Variants in ACOXL observed in about 807,000 individuals in gnomAD.
The protein encoded by ACOXL is acyl-coenzyme A oxidase-like protein.
Under a neutral mutation model 71.9 loss-of-function variants are expected in ACOXL, and 70 were observed. That is an observed-to-expected ratio of 0.97 (90% CI 0.80 to 1.19). ACOXL has a LOEUF of 1.19. Among genes scored for constraint, ACOXL ranks in the 50% most tolerant of loss-of-function variants. The pLI is 0.00. For missense variants in ACOXL, 703 were observed against 736.3 expected (o/e 0.95, Z 0.52); for synonymous variants, 253 against 281.6 (o/e 0.90, Z 1.02).
intron 14 of ACOXL, among the ~76,000 whole-genome samples, chr2:111,014,188 T>C (rs1228054993): frequency 3.3e-5 from 5 of 152,172 alleles, no homozygotes; most frequent in Non-Finnish European, 5.9e-5. Flanking sequence ...ATGTCCAGTT[T>C]ACTACTTTTA....
intron 12 of ACOXL, among the ~76,000 whole-genome samples, chr2:110,950,069 A>G (rs2061268290): frequency 6.6e-6 from 1 of 151,576 alleles, no homozygotes; most frequent in South Asian, 2.1e-4. Flanking sequence ...TTATTATTAT[A>G]CTTTAAGTTT....
At chr2:111,078,212 G>C (rs1244491677) in intron 16 of ACOXL, among the ~76,000 whole-genome samples, 1 of 151,882 alleles carries the variant, frequency 6.6e-6, no homozygotes, top group Non-Finnish European at 1.5e-5. Context: ...CTTTTAATCA[G>C]GTTACTTTTC....
intron 14 of ACOXL, among the ~76,000 whole-genome samples, chr2:111,001,558 G>C (rs928062956): frequency 6.6e-6 from 1 of 152,150 alleles, no homozygotes; most frequent in Admixed American, 6.5e-5. Flanking sequence ...CCTTATTAAG[G>C]AACTTCCAAC....
intron 1 of ACOXL, among the ~76,000 whole-genome samples, chr2:110,766,711 A>G (rs988180313): frequency 2.6e-5 from 4 of 151,990 alleles, no homozygotes; most frequent in Admixed American, 2.6e-4. Flanking sequence ...GGTCCTGCTG[A>G]TGGGGTGTTG....
At position 110,771,176 on chromosome 2, in the gene ACOXL, G is replaced by A. The variant is rs559509097; in HGVS notation, c.75+2712G>A. Among the ~76,000 whole-genome samples, 3 of 152,160 alleles carry A rather than the reference G, an allele frequency of 2.0e-5. No individual in the cohort carries two copies. In the South Asian group the frequency reaches 6.2e-4, roughly 32 times the overall value. On this transcript the variant is annotated intron_variant, in intron 2 of 17. Coordinates refer to ENST00000439055, the MANE Select transcript of ACOXL (RefSeq NM_001142807.4). Reference sequence around the variant, plus strand: ...AATAAACCTGAAGGAAATGAAACTGGCCATCAGTGCGGCAGGCTCATCTCG... The same window carrying A: ...AATAAACCTGAAGGAAATGAAACTGACCATCAGTGCGGCAGGCTCATCTCG...
At chr2:110,818,147 C>A (rs982836984) in intron 9 of ACOXL, among the ~76,000 whole-genome samples, 2 of 151,872 alleles carry the variant, frequency 1.3e-5, no homozygotes, top group Admixed American at 1.3e-4. Flanking sequence ...GTAATCCCAG[C>A]ACTTTGGGAG....
intron 11 of ACOXL, among the ~76,000 whole-genome samples, chr2:110,911,649 A>G (rs956429902): frequency 2.0e-5 from 3 of 152,118 alleles, no homozygotes; most frequent in Non-Finnish European, 4.4e-5. Context: ...AAAGTATTTG[A>G]CAGAATCAAG....
chr2:110,759,357 C>T (rs1457648601), intron 1 of ACOXL, among the ~76,000 whole-genome samples: 1 of 152,206 alleles, frequency 6.6e-6, no homozygotes, highest in East Asian at 1.9e-4. Context: ...AATCTGGGTG[C>T]TCCTGTATTG....
chr2:111,065,685 G>A (rs2067034934), intron 16 of ACOXL, among the ~76,000 whole-genome samples: 1 of 152,208 alleles, frequency 6.6e-6, no homozygotes, highest in Admixed American at 6.5e-5. Flanking sequence ...TAAAAATCCA[G>A]TTAGGAAAAG....
At chr2:111,086,978 T>C (rs1014798913) in intron 16 of ACOXL, among the ~76,000 whole-genome samples, 5 of 152,034 alleles carry the variant, frequency 3.3e-5, no homozygotes, top group Admixed American at 2.6e-4. Context: ...AATCAACATA[T>C]AAAAATCAGT....
chr2:110,789,027 G>T (rs1684335332), intron 3 of ACOXL, among the ~76,000 whole-genome samples: 1 of 152,242 alleles, frequency 6.6e-6, no homozygotes, highest in East Asian at 1.9e-4. Flanking sequence ...GCATGTTCAA[G>T]TCCCTTTTCT....
chr2:110,807,561 C>T (rs1686817953), intron 9 of ACOXL, among the ~76,000 whole-genome samples: 1 of 152,198 alleles, frequency 6.6e-6, no homozygotes, highest in Non-Finnish European at 1.5e-5. Flanking sequence ...AAGCAAACCA[C>T]AGTAACCCGG....
chr2:110,947,879 C>G (rs1229952263), intron 12 of ACOXL, among the ~76,000 whole-genome samples: 1 of 152,224 alleles, frequency 6.6e-6, no homozygotes, highest in Non-Finnish European at 1.5e-5. Flanking sequence ...GTCTCCTGGC[C>G]CTTGTGTTAC....
chr2:111,030,305 C>G (rs115327769), intron 14 of ACOXL, among the ~76,000 whole-genome samples: 3,436 of 152,274 alleles, frequency 0.023, 145 homozygotes, highest in African/African-American at 0.078. Context: ...GCAGGCTGTT[C>G]CCTGAGAGTT....
chr2:111,073,432 T>C (rs2067437302), intron 16 of ACOXL, among the ~76,000 whole-genome samples: 1 of 152,202 alleles, frequency 6.6e-6, no homozygotes, highest in Admixed American at 6.5e-5. Context: ...CTGATTTGTC[T>C]GTAAGATGTG....
Position 110,864,319 on chromosome 2 carries a change from C to T in ACOXL, c.788+22914C>T, listed in dbSNP as rs192005130. On this transcript the variant is annotated intron_variant, in intron 10 of 17. Transcript: ENST00000439055. ...TGATGGGAGACACTCAGTAAAGGTC[C>T]TCATGGTCCTTGAAGGGGAGGAGTT... Among the ~76,000 whole-genome samples the T allele has an allele frequency of 2.0e-3, 302 of 152,240 alleles. 3 individuals are homozygous for T. The highest frequency in any genetic ancestry group is 6.5e-3 in the African/African-American group (270 of 41,544).
intron 11 of ACOXL, among the ~76,000 whole-genome samples, chr2:110,932,550 G>T (rs2060514612): frequency 1.3e-5 from 2 of 152,148 alleles, no homozygotes; most frequent in South Asian, 4.1e-4. Context: ...GTAGCAAAGT[G>T]GATGGGGGAG....
At position 110,807,639 on chromosome 2, in the gene ACOXL, C is replaced by T. The variant is rs555045584; in HGVS notation, c.753+2244C>T. On this transcript the variant is annotated intron_variant, in intron 9 of 17. Transcript: ENST00000439055. ...GGATTGTCAGGCAGTGGGAAGACCC[C>T]GCACAGAGCCAGCAGGGTCCAGGCA... 7.9e-5 allele frequency among the ~76,000 whole-genome samples: 12 copies of T among 152,264 alleles called. No homozygotes were observed. The East Asian group carries it at 1.5e-3, about 20-fold the overall frequency.
At position 110,756,638 on chromosome 2, in the gene ACOXL, A is replaced by G. The variant is rs139598921; in HGVS notation, c.-22-11730A>G. Reference sequence around the variant, plus strand: ...GAATTTATTCTAGTACGTGGTGTGAAATGGGGATCTGACTTAATTTTCCTT... The same window carrying G: ...GAATTTATTCTAGTACGTGGTGTGAGATGGGGATCTGACTTAATTTTCCTT... On this transcript the variant is annotated intron_variant, in intron 1 of 17. Coordinates refer to ENST00000439055, the MANE Select transcript of ACOXL (RefSeq NM_001142807.4). Among the ~76,000 whole-genome samples, 95 of 152,258 alleles carry G rather than the reference A, an allele frequency of 6.2e-4. 2 individuals carry two copies. The East Asian group carries it at 0.016, about 26-fold the overall frequency.
Sources: allele counts gnomAD v4.1 joint callset (sites outside exome capture counted in the v4.1 genomes callset), GRCh38; gene constraint gnomAD v4.1.1; transcripts MANE v1.5; gene names NCBI Gene and HGNC (gene_info 2026-07-23, HGNC 2026-07-21).